Variants in MKI67 observed in about 807,000 individuals in gnomAD.
MKI67 encodes the protein proliferation marker protein Ki-67.
Under a neutral mutation model 233.5 loss-of-function variants are expected in MKI67, and 152 were observed. The observed-to-expected ratio is 0.65, with a 90% CI of 0.57 to 0.74. MKI67 has a LOEUF of 0.74. Among genes scored for constraint, MKI67 ranks in the 30% least tolerant of loss-of-function variants. The pLI, the probability that MKI67 is intolerant of heterozygous loss-of-function variation, is 0.00. For synonymous variants in MKI67, 1,465 were observed against 1,418.5 expected (o/e 1.03, Z -0.74); for missense variants, 3,940 against 3,885.2 (o/e 1.01, Z -0.37).
At chr10:128,126,065 C>G (rs1473252580) in intron 1 of MKI67, 34 bp downstream of exon 1, 1 of 240,502 alleles carries the variant, frequency 4.2e-6, no homozygotes, top group African/African-American at 2.4e-5. Context: ...CCCTCGACCC[C>G]GGACAGCTCC....
rs1170569785 is a variant in MKI67 at position 128,106,538 on chromosome 10, ATTC to A, written c.5299_5301del (p.Glu1767del). The A allele has an allele frequency of 6.2e-7, 1 of 1,613,758 alleles. No individual in the cohort carries two copies. On this transcript the variant is annotated inframe_deletion, in exon 13 of 15. Coordinates refer to ENST00000368654, the MANE Select transcript of MKI67 (RefSeq NM_002417.5). Reference sequence around the variant, plus strand: ...GGCGTTTGTTTCCTAAATGCTAAAAATTCTTCTTCAGTGTCTGCTTTCCTGAGA... The same window carrying A: ...GGCGTTTGTTTCCTAAATGCTAAAAATTCTTCAGTGTCTGCTTTCCTGAGA...
Position 128,105,888 on chromosome 10 carries a change from TGGA to T in MKI67, c.5949_5951del (p.Pro1984del). On this transcript the variant is annotated inframe_deletion, in exon 13 of 15. Transcript: ENST00000368654. ...TTGGGGTTTTGACTGGGTCTGGTTGTGGAGATTTGCAGGATACTTCTGTGATTT... is the reference window on the plus strand; with the variant it reads ...TTGGGGTTTTGACTGGGTCTGGTTGTGATTTGCAGGATACTTCTGTGATTT... The T allele has an allele frequency of 1.2e-6, 2 of 1,613,980 alleles. No homozygotes were observed. Among genetic ancestry groups the T allele is most frequent in the Non-Finnish European group, 1.7e-6 (2 of 1,179,990 alleles).
Position 128,119,335 on chromosome 10 carries a change from C to T in MKI67, c.288-16G>A, listed in dbSNP as rs769297674. On this transcript the variant is annotated splice_polypyrimidine_tract_variant and intron_variant, in intron 4 of 14. Transcript: ENST00000368654. ...ATTTTCATACCTGCAGTTTATAGAA[C>T]GACAAAGATCCTGATTAAAAATTTA... The T allele has an allele frequency of 6.1e-5, 96 of 1,562,814 alleles. 2 individuals carry two copies. In the South Asian group the frequency reaches 8.7e-4, roughly 14 times the overall value.
At position 128,101,263 on chromosome 10, in the gene MKI67, T is replaced by C. The variant is rs763331139; in HGVS notation, c.9700A>G (p.Lys3234Glu). 1.9e-6 allele frequency: 3 copies of C among 1,607,936 alleles called. No individual in the cohort carries two copies. Among genetic ancestry groups the C allele is most frequent in the East Asian group, 2.2e-5 (1 of 44,744 alleles). Residue 3234 changes from lysine (K) to glutamate (E), a missense_variant, in exon 14 of 15, where the codon AAG becomes GAG. Lys to Glu is a moderately conservative substitution (Grantham distance 56, BLOSUM62 1). Transcript: ENST00000368654. ...GGAAACAGTAAATGGCTTACCTTCT[T>C]TGGATTTTCTGCACACCTCTTGACA... The part of the protein sequence containing the change: ...RSVKRCAENP[K>E]KAEDNVCVKK...
At position 128,108,537 on chromosome 10, in the gene MKI67, GTCT is replaced by G; in HGVS notation, c.3300_3302del (p.Glu1100del). Reference sequence around the variant, plus strand: ...GGAAGAGCTCTTTGAAGCCAGCCAGGTCTTCTAGTGACTGGGCCTCTTCCTTAG... The same window carrying G: ...GGAAGAGCTCTTTGAAGCCAGCCAGGTCTAGTGACTGGGCCTCTTCCTTAG... On this transcript the variant is annotated inframe_deletion, in exon 13 of 15. Coordinates refer to ENST00000368654, the MANE Select transcript of MKI67 (RefSeq NM_002417.5). The G allele has an allele frequency of 6.2e-6, 10 of 1,614,196 alleles. No homozygotes were observed. The highest frequency in any genetic ancestry group is 8.5e-6 in the Non-Finnish European group (10 of 1,180,040).
rs1490414713 is a variant in MKI67 at position 128,104,648 on chromosome 10, T to C, written c.7192A>G (p.Lys2398Glu). Residue 2398 changes from lysine to glutamate, a missense_variant, in exon 13 of 15, where the codon AAA becomes GAA. Physicochemically the swap from Lys to Glu is moderately conservative, Grantham distance 56. Transcript: ENST00000368654. Reference sequence around the variant, plus strand: ...GTTTCCACAAATGTGTTGATATTTTTCTCATCACTTACTGCTGGTTTTGGT... The same window carrying C: ...GTTTCCACAAATGTGTTGATATTTTCCTCATCACTTACTGCTGGTTTTGGT... ...DTPKPAVSDE[K>E]NINTFVETPV... 2 of 1,613,964 alleles carry C rather than the reference T, an allele frequency of 1.2e-6. No individual in the cohort carries two copies. The highest frequency in any genetic ancestry group is 2.2e-5 in the East Asian group (1 of 44,860).
Position 128,115,618 on chromosome 10 carries a change from A to G in MKI67, c.790T>C (p.Ser264Pro). The G allele has an allele frequency of 6.2e-7, 1 of 1,613,978 alleles. No individual in the cohort carries two copies. Among genetic ancestry groups the G allele is most frequent in the Non-Finnish European group, 8.5e-7 (1 of 1,179,980 alleles). The change falls in exon 7 of 15, where the codon TCT becomes CCT. Residue 264 changes from serine (S) to proline (P), a missense_variant. By Grantham distance (74) the Ser-to-Pro change is moderately conservative (BLOSUM62 -1). Coordinates refer to ENST00000368654, the MANE Select transcript of MKI67 (RefSeq NM_002417.5). ...KENVLQYCRK[S>P]GLQTDYATEK... ...GTTGCGTAATCAGTTTGTAATCCAGATTTTCTACAATACTGTAGGACATTT... is the reference window on the plus strand; with the variant it reads ...GTTGCGTAATCAGTTTGTAATCCAGGTTTTCTACAATACTGTAGGACATTT...
Position 128,110,653 on chromosome 10 carries a change from C to T in MKI67, c.2261-120G>A, listed in dbSNP as rs1204120900. The stretch of plus-strand genomic sequence containing the variant: ...TAACAGTAGATTCCTCCCTTGAAAT[C>T]CTGGTACATAGGCCTCATAAAAAGA... On this transcript the variant is annotated intron_variant, in intron 11 of 14. Coordinates refer to ENST00000368654, the MANE Select transcript of MKI67 (RefSeq NM_002417.5). 22 of 657,536 alleles carry T rather than the reference C, an allele frequency of 3.3e-5. No individual in the cohort carries two copies. The Admixed American group carries it at 5.8e-4, about 17-fold the overall frequency. The allele number at this position is 657,536 out of a possible 1,614,324, so 40.7% of individuals were successfully genotyped here.
Position 128,106,479 on chromosome 10 carries a change from T to C in MKI67, c.5361A>G (p.Pro1787=), listed in dbSNP as rs200592559. 67 of 1,613,940 alleles carry C rather than the reference T, an allele frequency of 4.2e-5. No individual in the cohort carries two copies. The highest frequency in any genetic ancestry group is 5.5e-5 in the Non-Finnish European group (65 of 1,180,016). ...SAGKAMHTPK[P]AVGEEKDINT... ...TGATGTCTTTCTCTTCACCTACTGC[T>C]GGTTTGGGTGTGTGCATGGCTTTGC... The change falls in exon 13 of 15, where the codon CCA becomes CCG. Residue 1787 remains proline, a synonymous_variant. Transcript: ENST00000368654.
rs1486549597 is a variant in MKI67 at position 128,098,640 on chromosome 10, A to C, written c.*550T>G. On this transcript the variant is annotated 3_prime_UTR_variant, in exon 15 of 15. Coordinates refer to ENST00000368654, the MANE Select transcript of MKI67 (RefSeq NM_002417.5). ...CACAAAACTTTATTTTCAGAAAGGA[A>C]AGGACATCAAAAATAGGACTGTCCT... 1 of 152,252 alleles carries C rather than the reference A, an allele frequency of 6.6e-6. No individual in the cohort carries two copies. Among genetic ancestry groups the C allele is most frequent in the African/African-American group, 2.4e-5 (1 of 41,444 alleles). The allele number at this position is 152,252 out of a possible 1,614,324, so 9.4% of individuals were successfully genotyped here.
At chr10:128,112,505 CT>C (rs1454377025) in intron 8 of MKI67, 60 bp from the exon 9 acceptor site, 7 of 1,477,584 alleles carry the variant, frequency 4.7e-6, no homozygotes, top group African/African-American at 2.8e-5. Context: ...TCTGGAATGA[CT>C]GATAAAAACC....
chr10:128,115,796 T>C lies in MKI67; in HGVS notation c.612A>G (p.Lys204=). 1.9e-6 allele frequency: 3 copies of C among 1,611,912 alleles called. No homozygotes were observed. Among genetic ancestry groups the C allele is most frequent in the East Asian group, 4.5e-5 (2 of 44,886 alleles). The change falls in exon 7 of 15, where the codon AAA becomes AAG. Residue 204 remains lysine, a synonymous_variant. Coordinates refer to ENST00000368654, the MANE Select transcript of MKI67 (RefSeq NM_002417.5). ...TCACTAATTTAACGCTGGAAATTTC[T>C]TTAAAATCCCCAGAAATGGGATCAG... ...NAADPISGDF[K]EISSVKLVSR...
rs201790456 is a variant in MKI67, at chr10:128,115,586, T to C, written c.822A>G (p.Lys274=). ...CCCCCTGTAAACCATCAGCACTTTC[T>C]TTCTCTGTTGCGTAATCAGTTTGTA... is the stretch of plus-strand genomic sequence containing the variant. ...SGLQTDYATE[K]ESADGLQGET... is the part of the protein sequence containing the mutation. Residue 274 remains lysine, a synonymous_variant, in exon 7 of 15, where the codon AAA becomes AAG. Transcript: ENST00000368654. The C allele has an allele frequency of 1.7e-5, 28 of 1,614,250 alleles. No homozygotes were observed. The highest frequency in any genetic ancestry group is 2.7e-5 in the African/African-American group (2 of 75,068).
intron 13 of MKI67, 120 bp downstream of exon 13, chr10:128,102,459 A>G: frequency 7.9e-7 from 1 of 1,272,882 alleles, no homozygotes; most frequent in South Asian, 1.4e-5. Context: ...ATTCAGTGTT[A>G]AAGGAAACCC....
In MKI67 at chr10:128,104,967, G is replaced by T. The variant is rs1373953833; in HGVS notation, c.6873C>A (p.Asp2291Glu). 1.2e-6 allele frequency: 2 copies of T among 1,613,262 alleles called. No individual in the cohort carries two copies. Among genetic ancestry groups the T allele is most frequent in the South Asian group, 1.1e-5 (1 of 91,052 alleles). Residue 2291 changes from aspartate (D) to glutamate (E), a missense_variant, in exon 13 of 15, where the codon GAC (aspartate) becomes GAA (glutamate). By Grantham distance (45) the Asp-to-Glu change is conservative (BLOSUM62 2). Coordinates refer to ENST00000368654, the MANE Select transcript of MKI67 (RefSeq NM_002417.5). ...AFMGTPVQKL[D>E]LPGNLPGSKR... ...TGCTGCCAGGTAAATTTCCTGGCAG[G>T]TCCAATTTCTGCACTGGAGTTCCCA...
At chr10:128,109,560 C>T in intron 12 of MKI67, 137 bp from the exon 13 acceptor site, 3 of 921,818 alleles carry the variant, frequency 3.3e-6, no homozygotes, top group Non-Finnish European at 4.8e-6. Flanking sequence ...ACTTATGTGT[C>T]TATAAATCTG....
intron 13 of MKI67, 57 bp downstream of exon 13, chr10:128,102,522 C>G: frequency 6.4e-6 from 10 of 1,570,834 alleles, no homozygotes; most frequent in Non-Finnish European, 8.6e-6. Flanking sequence ...AAGTATAACA[C>G]AGAAATTCAC....
chr10:128,109,841 A>G (rs1002563115), intron 12 of MKI67, among the ~76,000 whole-genome samples: 2 of 152,206 alleles, frequency 1.3e-5, no homozygotes, highest in Non-Finnish European at 1.5e-5. Flanking sequence ...TACACAGGAA[A>G]TATTTACCTA....
chr10:128,115,400 G>T lies in MKI67; in HGVS notation c.1008C>A (p.Ser336Arg), dbSNP rs147959679. The part of the protein sequence containing the change: ...VQTPSKAVGA[S>R]FPLYEPAKMK... Reference sequence around the variant, plus strand: ...TTTTAGCCGGCTCATAGAGAGGAAAGCTGGCGCCCACAGCCTTGCTGGGAG... The same window carrying T: ...TTTTAGCCGGCTCATAGAGAGGAAATCTGGCGCCCACAGCCTTGCTGGGAG... Residue 336 changes from serine to arginine, a missense_variant, in exon 7 of 15, where the codon AGC becomes AGA. Ser to Arg is a moderately radical substitution (Grantham distance 110). Coordinates refer to ENST00000368654, the MANE Select transcript of MKI67 (RefSeq NM_002417.5). The T allele has an allele frequency of 3.1e-6, 5 of 1,614,162 alleles. No individual in the cohort carries two copies. The African/African-American group carries it at 6.7e-5, about 22-fold the overall frequency.
Sources: allele counts gnomAD v4.1 joint callset (sites outside exome capture counted in the v4.1 genomes callset), GRCh38; gene constraint gnomAD v4.1.1; transcripts MANE v1.5; gene names NCBI Gene and HGNC (gene_info 2026-07-23, HGNC 2026-07-21).